Variants in ZNF7 observed in about 807,000 individuals in gnomAD.
The protein encoded by ZNF7 is C2-H2 type zinc finger protein.
ZNF7 carries 10 observed loss-of-function variants against 12.0 expected under a neutral mutation model. That is an observed-to-expected ratio of 0.83 (90% CI 0.51 to 1.42). ZNF7 has a LOEUF of 1.42. Ranked by LOEUF, ZNF7 falls within the 40% of genes most tolerant of loss-of-function variation. The pLI, the probability that ZNF7 is intolerant of heterozygous loss-of-function variation, is 0.00. For missense variants in ZNF7, 854 were observed against 837.2 expected, an observed-to-expected ratio of 1.02 and a Z score of -0.25; for synonymous variants, 334 against 295.0, an observed-to-expected ratio of 1.13 and a Z score of -1.35.
rs2735953 is a variant in ZNF7, at chr8:144,843,448, C to T, written c.*280C>T. ...CTAAAAATACAAAAATTTAGCTGGG[C>T]GTGGTGGCAGGCACCTGTGGTCCCA... On this transcript the variant is annotated 3_prime_UTR_variant, in exon 5 of 5. Coordinates refer to ENST00000532777, the MANE Select transcript of ZNF7 (RefSeq NM_003416.4). The T allele has an allele frequency of 0.015, 3,783 of 256,802 alleles. 491 individuals carry two copies. In the East Asian group the frequency reaches 0.27, roughly 18 times the overall value. 15.9% of individuals were successfully genotyped at this position (256,802 alleles called of 1,614,324 possible). A position where few individuals can be genotyped will look rare whatever the true frequency, so the allele number is the denominator to read the frequency against.
intron 3 of ZNF7, among the ~76,000 whole-genome samples, chr8:144,830,128 G>C (rs1253230406): frequency 1.3e-5 from 2 of 152,128 alleles, no homozygotes; most frequent in Non-Finnish European, 2.9e-5. Flanking sequence ...ACTTGGTGAG[G>C]GGGGGTGCGT....
chr8:144,829,015 C>G (rs901935843), intron 1 of ZNF7, 28 bp from the exon 2 acceptor site: 2 of 1,609,854 alleles, frequency 1.2e-6, no homozygotes, highest in African/African-American at 2.7e-5. Flanking sequence ...GGCACCTTGA[C>G]CTCTAATCCT....
rs372813427 is a variant in ZNF7 at position 144,841,691 on chromosome 8, C to T, written c.584C>T (p.Ser195Phe). The change falls in exon 5 of 5, where the codon TCC becomes TTC. Residue 195 changes from serine (S) to phenylalanine (F), a missense_variant. Transcript: ENST00000532777. ...ESQGESAEGM[S>F]QRCEECGKGI... ...CAGGGAGAGAGTGCGGAAGGGATGT[C>T]CCAGAGATGCGAGGAGTGTGGCAAA... 3 of 1,614,020 alleles carry T rather than the reference C, an allele frequency of 1.9e-6. No homozygotes were observed. In the African/African-American group the frequency reaches 4.0e-5, roughly 22 times the overall value.
intron 3 of ZNF7, chr8:144,830,950 CTGGTT>C (rs1182092984): frequency 2.2e-6 from 1 of 456,878 alleles, no homozygotes; most frequent in Non-Finnish European, 4.4e-6. Context: ...ACCCCACTCT[CTGGTT>C]TGGTTATCTG....
At chr8:144,844,601 T>C (rs1471248409), downstream of ZNF7, among the ~76,000 whole-genome samples, 8 of 150,866 alleles carry the variant, frequency 5.3e-5, no homozygotes, top group African/African-American at 2.0e-4. Flanking sequence ...TCTCAGCTAC[T>C]TGGGAGGCTA....
In ZNF7 at chr8:144,842,108, A is replaced by G. The variant is rs755443407; in HGVS notation, c.1001A>G (p.Tyr334Cys). 6.8e-6 allele frequency: 11 copies of G among 1,614,002 alleles called. No homozygotes were observed. The highest frequency in any genetic ancestry group is 2.2e-5 in the East Asian group (1 of 44,894). The stretch of plus-strand genomic sequence containing the variant: ...AGAATCCACACAGGAGAGAGGCCCT[A>G]TGGTTGTCGTGAGTGTGGGAAAGCC... Reference protein sequence around the residue: ...HQRIHTGERPYGCRECGKAFS... With the variant: ...HQRIHTGERPCGCRECGKAFS... The change falls in exon 5 of 5, where the codon TAT (tyrosine) becomes TGT (cysteine). Residue 334 changes from tyrosine to cysteine, a missense_variant. Tyr to Cys is a radical substitution (Grantham distance 194). Transcript: ENST00000532777.
Position 144,842,232 on chromosome 8 carries a change from C to T in ZNF7, c.1125C>T (p.Ser375=). 9 of 1,613,812 alleles carry T rather than the reference C, an allele frequency of 5.6e-6. No homozygotes were observed. Among genetic ancestry groups the T allele is most frequent in the East Asian group, 2.2e-5 (1 of 44,830 alleles). ...KECGKAFSQS[S]TLAQHQRMHT... is the part of the protein sequence containing the mutation. The stretch of plus-strand genomic sequence containing the variant: ...GTGGGAAGGCCTTCAGCCAGAGCTC[C>T]ACCCTAGCCCAGCATCAAAGGATGC... The change falls in exon 5 of 5, where the codon TCC becomes TCT. Residue 375 remains serine (S), a synonymous_variant. Coordinates refer to ENST00000532777, the MANE Select transcript of ZNF7 (RefSeq NM_003416.4).
chr8:144,842,705 C>T lies in ZNF7; in HGVS notation c.1598C>T (p.Ala533Val), dbSNP rs372508675. The T allele has an allele frequency of 1.9e-5, 30 of 1,614,006 alleles. No homozygotes were observed. The highest frequency in any genetic ancestry group is 2.5e-5 in the Non-Finnish European group (30 of 1,180,040). ...TACGAATGCCTCCAATGCGGAAAAG[C>T]CTTCAGTATGAGCACACAGCTTACA... Reference protein sequence around the residue: ...KPYECLQCGKAFSMSTQLTIH... With the variant: ...KPYECLQCGKVFSMSTQLTIH... Residue 533 changes from alanine to valine, a missense_variant, in exon 5 of 5, where the codon GCC becomes GTC. Transcript: ENST00000532777.
rs758736162 is a variant in ZNF7 at position 144,838,143 on chromosome 8, T to G, written c.247+636T>G. 8.5e-6 allele frequency: 6 copies of G among 702,952 alleles called. No individual in the cohort carries two copies. The South Asian group carries it at 8.9e-5, about 10-fold the overall frequency. 43.5% of individuals were successfully genotyped at this position (702,952 alleles called of 1,614,324 possible). A position where few individuals can be genotyped will look rare whatever the true frequency, so the allele number is the denominator to read the frequency against. On this transcript the variant is annotated intron_variant, in intron 4 of 4. Coordinates refer to ENST00000532777, the MANE Select transcript of ZNF7 (RefSeq NM_003416.4). ...CTGGCAGTCCTTGGGTTCCTTGGCT[T>G]GTGGATGCGTCCCTCACTCTGATCT...
rs2130719963 is a variant in ZNF7 at position 144,842,622 on chromosome 8, C to T, written c.1515C>T (p.Ala505=). 1 of 1,614,190 alleles carries T rather than the reference C, an allele frequency of 6.2e-7. No individual in the cohort carries two copies. Among genetic ancestry groups the T allele is most frequent in the Non-Finnish European group, 8.5e-7 (1 of 1,180,044 alleles). Residue 505 remains alanine (A), a synonymous_variant, in exon 5 of 5, where the codon GCC becomes GCT. Transcript: ENST00000532777. The part of the protein sequence containing the change: ...KPYVCNDCGK[A]FSQSSSLIYH... Reference sequence around the variant, plus strand: ...ATGTGTGTAATGACTGTGGAAAAGCCTTCAGTCAGAGTTCCAGCCTTATTT... The same window carrying T: ...ATGTGTGTAATGACTGTGGAAAAGCTTTCAGTCAGAGTTCCAGCCTTATTT...
intron 1 of ZNF7, 32 bp from the exon 2 acceptor site, chr8:144,829,011 T>C: frequency 6.2e-7 from 1 of 1,608,146 alleles, no homozygotes; most frequent in Non-Finnish European, 8.5e-7. Flanking sequence ...TTCTGGCACC[T>C]TGACCTCTAA....
chr8:144,845,624 T>G (rs147090252), downstream of ZNF7, among the ~76,000 whole-genome samples: 6 of 152,210 alleles, frequency 3.9e-5, no homozygotes, highest in Admixed American at 2.0e-4. Flanking sequence ...AGGCTGATAT[T>G]CACAGGCATG....
At chr8:144,839,767 C>T (rs974442603) in intron 4 of ZNF7, among the ~76,000 whole-genome samples, 1 of 152,186 alleles carries the variant, frequency 6.6e-6, no homozygotes, top group African/African-American at 2.4e-5. Flanking sequence ...CCAGCTGGTA[C>T]AGTCAGCATC....
intron 3 of ZNF7, chr8:144,834,194 T>C (rs1828747339): frequency 1.3e-5 from 2 of 152,260 alleles, no homozygotes. Context: ...TGTGAATGTA[T>C]TTTTAGCTGA....
downstream of ZNF7, chr8:144,847,018 C>G (rs1830549458): frequency 6.6e-6 from 1 of 152,196 alleles, no homozygotes; most frequent in Non-Finnish European, 1.5e-5. Context: ...CCTCTTCTAG[C>G]TGCACGATGT....
rs761568661 is a variant in ZNF7, at chr8:144,829,478, G to T, written c.4G>T (p.Glu2Ter). Residue 2 changes from glutamate to a stop codon, truncating the protein, a stop_gained and splice_region_variant, in exon 3 of 5, where the codon GAG (glutamate) becomes TAG (stop). Coordinates refer to ENST00000532777, the MANE Select transcript of ZNF7 (RefSeq NM_003416.4). LOFTEE classifies it high-confidence loss of function. ...GGGGTGCTGGTGTGTGTCCTTTCAG[G>T]AGGTGGTAACATTTGGCGATGTGGC... M[E>*]VVTFGDVAVH... is the part of the protein sequence containing the mutation. 6.2e-7 allele frequency: 1 copy of T among 1,614,000 alleles called. No individual in the cohort carries two copies. The highest frequency in any genetic ancestry group is 8.5e-7 in the Non-Finnish European group (1 of 1,180,008).
At chr8:144,829,646 C>A in intron 3 of ZNF7, 42 bp downstream of exon 3, 1 of 1,572,054 alleles carries the variant, frequency 6.4e-7, no homozygotes, top group South Asian at 1.2e-5. Flanking sequence ...CATCATCAGT[C>A]AGCACCCACC....
chr8:144,830,129 G>A (rs998275282), intron 3 of ZNF7, among the ~76,000 whole-genome samples: 1 of 152,184 alleles, frequency 6.6e-6, no homozygotes, highest in African/African-American at 2.4e-5. Context: ...CTTGGTGAGG[G>A]GGGGTGCGTC....
rs1830046410 is a variant in ZNF7 at position 144,842,344 on chromosome 8, T to C, written c.1237T>C (p.Phe413Leu). 2 of 1,613,888 alleles carry C rather than the reference T, an allele frequency of 1.2e-6. No homozygotes were observed. The highest frequency in any genetic ancestry group is 2.2e-5 in the South Asian group (2 of 91,094). Reference protein sequence around the residue: ...HQRIHAVEKPFKCDECGKAFR... With the variant: ...HQRIHAVEKPLKCDECGKAFR... ...GAGAATTCACGCTGTAGAGAAACCA[T>C]TTAAGTGTGATGAGTGTGGGAAAGC... The change falls in exon 5 of 5, where the codon TTT becomes CTT. Residue 413 changes from phenylalanine (F) to leucine (L), a missense_variant. Coordinates refer to ENST00000532777, the MANE Select transcript of ZNF7 (RefSeq NM_003416.4).
Sources: gnomAD v4.1 joint callset for allele counts (sites outside exome capture counted in the v4.1 genomes callset) on GRCh38, gnomAD v4.1.1 for gene constraint, MANE v1.5 for transcripts, NCBI Gene and HGNC (gene_info 2026-07-23, HGNC 2026-07-21) for gene names.